Variants in PLCL1 observed in about 807,000 individuals in gnomAD.
PLCL1 encodes inactive phospholipase C-like protein 1.
Under a neutral mutation model 84.4 loss-of-function variants are expected in PLCL1, and 41 were observed. The ratio of observed to expected loss-of-function variants is 0.49; its 90% confidence interval spans 0.38 to 0.63. The LOEUF (loss-of-function observed/expected upper bound fraction) is 0.63, where lower values mean the gene tolerates loss of function less well. PLCL1 is among the 30% of genes least tolerant of loss of function. The pLI is 0.00. For missense variants in PLCL1, 1,206 were observed against 1,367.8 expected, an observed-to-expected ratio of 0.88 and a Z score of 1.87; for synonymous variants, 490 against 488.3, an observed-to-expected ratio of 1.00 and a Z score of -0.05.
intron 1 of PLCL1, among the ~76,000 whole-genome samples, chr2:197,996,683 C>T (rs965273616): frequency 4.6e-5 from 7 of 151,884 alleles, no homozygotes; most frequent in South Asian, 4.2e-4. Flanking sequence ...CCTTGGTGAG[C>T]GTGCTTTTTT....
chr2:198,128,003 A>G (rs1160704952), intron 5 of PLCL1, among the ~76,000 whole-genome samples: 2 of 152,008 alleles, frequency 1.3e-5, no homozygotes, highest in Non-Finnish European at 2.9e-5. Flanking sequence ...TAAAATAAGG[A>G]GAAAAAAATT....
intron 1 of PLCL1, among the ~76,000 whole-genome samples, chr2:198,015,978 G>T (rs1024190232): frequency 1.3e-5 from 2 of 152,084 alleles, no homozygotes; most frequent in African/African-American, 2.4e-5. Flanking sequence ...ACAATAGATT[G>T]TATATGTTGG....
chr2:198,126,858 G>A (rs1469699338), intron 5 of PLCL1, among the ~76,000 whole-genome samples: 1 of 149,418 alleles, frequency 6.7e-6, no homozygotes. Context: ...AGACATGATT[G>A]CACCTCTGCA....
chr2:198,103,232 C>G (rs1051111256), intron 4 of PLCL1, among the ~76,000 whole-genome samples: 3 of 151,920 alleles, frequency 2.0e-5, no homozygotes, highest in Non-Finnish European at 4.4e-5. Flanking sequence ...AAACAAGGTC[C>G]ATGTAACCTG....
chr2:198,084,702 G>C lies in PLCL1; in HGVS notation c.1185G>C (p.Lys395Asn), dbSNP rs770968797. The C allele has an allele frequency of 1.9e-6, 3 of 1,614,020 alleles. No individual in the cohort carries two copies. The highest frequency in any genetic ancestry group is 2.5e-6 in the Non-Finnish European group (3 of 1,179,938). The stretch of plus-strand genomic sequence containing the variant: ...ACATTTTTGATCCTGAGCAAAAGAA[G>C]GTTGCCCAAGATATGACCCAGCCAT... ...ECDIFDPEQK[K>N]VAQDMTQPLS... Residue 395 changes from lysine to asparagine, a missense_variant, in exon 2 of 6, where the codon AAG becomes AAC. Physicochemically the swap from Lys to Asn is moderately conservative, Grantham distance 94. Coordinates refer to ENST00000428675, the MANE Select transcript of PLCL1 (RefSeq NM_006226.4).
intron 1 of PLCL1, among the ~76,000 whole-genome samples, chr2:198,069,550 C>T (rs1692413649): frequency 6.6e-6 from 1 of 152,158 alleles, no homozygotes. Flanking sequence ...CTCAGATTTA[C>T]ATGGGCTATG....
chr2:198,033,831 C>T lies in PLCL1; in HGVS notation c.241-49927C>T, dbSNP rs372976958. 1.1e-4 allele frequency among the ~76,000 whole-genome samples: 16 copies of T among 152,238 alleles called. 1 individual carries two copies. The highest frequency in any genetic ancestry group is 3.9e-4 in the African/African-American group (16 of 41,538). ...CTATTTCCTAAGATTCTGTTTCCAG[C>T]CCTCTTCTTTATATTCTTTGGCTGA... On this transcript the variant is annotated intron_variant, in intron 1 of 5. Transcript: ENST00000428675.
At chr2:198,115,002 A>T (rs1012685221) in intron 5 of PLCL1, among the ~76,000 whole-genome samples, 60 of 151,940 alleles carry the variant, frequency 3.9e-4, no homozygotes, top group African/African-American at 1.4e-3. Context: ...TAAGATCTGT[A>T]AGCATTTGAA....
intron 1 of PLCL1, among the ~76,000 whole-genome samples, chr2:198,061,303 G>A (rs1574282297): frequency 6.6e-6 from 1 of 152,116 alleles, no homozygotes; most frequent in Admixed American, 6.5e-5. Context: ...ATATCTTACC[G>A]ATACAATTTC....
chr2:198,135,284 T>C (rs984921440), intron 5 of PLCL1, among the ~76,000 whole-genome samples: 7 of 152,202 alleles, frequency 4.6e-5, no homozygotes, highest in African/African-American at 9.6e-5. Context: ...ACAGTGTTTG[T>C]TTATTGTGCT....
At chr2:197,866,799 C>T (rs1687557189) in intron 1 of PLCL1, among the ~76,000 whole-genome samples, 1 of 152,156 alleles carries the variant, frequency 6.6e-6, no homozygotes, top group Non-Finnish European at 1.5e-5. Context: ...CACTTCCCTA[C>T]CACTGTTCCC....
At chr2:197,935,137 G>T (rs1196010322) in intron 1 of PLCL1, among the ~76,000 whole-genome samples, 1 of 152,146 alleles carries the variant, frequency 6.6e-6, no homozygotes, top group Non-Finnish European at 1.5e-5. Flanking sequence ...GAAATAACAG[G>T]TCCTGGTGAG....
Position 197,928,904 on chromosome 2 carries a change from A to G in PLCL1, c.240+123565A>G. ...CCTAGAAAAATACCTGGAAAAATAT[A>G]CCACCATGTCAATAGTCATTGCCTT... On this transcript the variant is annotated intron_variant, in intron 1 of 5. Coordinates refer to ENST00000428675, the MANE Select transcript of PLCL1 (RefSeq NM_006226.4). Among the ~76,000 whole-genome samples the G allele has an allele frequency of 1.3e-5, 2 of 152,210 alleles. 1 individual carries two copies. Among genetic ancestry groups the G allele is most frequent in the Admixed American group, 1.3e-4 (2 of 15,270 alleles).
intron 1 of PLCL1, among the ~76,000 whole-genome samples, chr2:198,080,664 T>A (rs528899637): frequency 6.6e-6 from 1 of 152,346 alleles, no homozygotes; most frequent in South Asian, 2.1e-4. Context: ...CCAGCGTATT[T>A]TGAATGTACG....
At chr2:197,890,007 C>T (rs1037818853) in intron 1 of PLCL1, among the ~76,000 whole-genome samples, 37 of 152,152 alleles carry the variant, frequency 2.4e-4, no homozygotes, top group African/African-American at 8.9e-4. Context: ...AGGTCATTGA[C>T]ATCAGCTTGC....
chr2:198,071,518 A>T (rs1055525527), intron 1 of PLCL1, among the ~76,000 whole-genome samples: 5 of 151,890 alleles, frequency 3.3e-5, no homozygotes, highest in African/African-American at 1.2e-4. Flanking sequence ...AGGTAAAAAT[A>T]GTCATTTTAT....
At position 198,147,414 on chromosome 2, in the gene PLCL1, T is replaced by A. The variant is rs942641189; in HGVS notation, c.*452T>A. The A allele has an allele frequency of 6.6e-6, 1 of 152,528 alleles. No homozygotes were observed. 9.4% of individuals were successfully genotyped at this position (152,528 alleles called of 1,614,324 possible). On this transcript the variant is annotated 3_prime_UTR_variant, in exon 6 of 6. Transcript: ENST00000428675. ...AATTTGACTTCTCTGCCTTTGACAT[T>A]TAATTTAGTGATCTTAGCATAGCTT...
chr2:197,939,879 GC>G, intron 1 of PLCL1, among the ~76,000 whole-genome samples: 1 of 152,134 alleles, frequency 6.6e-6, no homozygotes, highest in East Asian at 1.9e-4. Flanking sequence ...CTCAAACCTG[GC>G]TGCGTTAGAA....
At chr2:197,965,077 G>A (rs920185608) in intron 1 of PLCL1, among the ~76,000 whole-genome samples, 1 of 152,076 alleles carries the variant, frequency 6.6e-6, no homozygotes, top group African/African-American at 2.4e-5. Context: ...CTTGTAGAAT[G>A]AGCTTGGAAG....
Sources: gnomAD v4.1 joint callset for allele counts (sites outside exome capture counted in the v4.1 genomes callset) on GRCh38, gnomAD v4.1.1 for gene constraint, MANE v1.5 for transcripts, NCBI Gene and HGNC (gene_info 2026-07-23, HGNC 2026-07-21) for gene names.